Variants in DMD observed in about 807,000 individuals in gnomAD.
The protein encoded by DMD is mutant dystrophin.
Under a neutral mutation model 330.1 loss-of-function variants are expected in DMD, and 63 were observed. The observed-to-expected ratio is 0.19, with a 90% CI of 0.16 to 0.24. The LOEUF is 0.24. DMD is among the 10% of genes least tolerant of loss of function. DMD has a pLI of 1.00. For missense variants in DMD, 3,344 were observed against 2,684.1 expected (o/e 1.25, Z -5.43); for synonymous variants, 1,223 against 959.8 (o/e 1.27, Z -5.07).
intron 1 of DMD, among the ~76,000 whole-genome samples, chrX:33,023,938 G>A (rs576384918): frequency 6.1e-4 from 68 of 111,173 alleles, no homozygotes; most frequent in African/African-American, 2.1e-3. Context: ...TTTCCCAAGT[G>A]GTCATATGCC....
chrX:32,144,450 A>C (rs2096768882), intron 44 of DMD, among the ~76,000 whole-genome samples: 1 of 111,746 alleles, frequency 8.9e-6, no homozygotes, highest in South Asian at 3.7e-4. Flanking sequence ...TTTTGGTAAA[A>C]TTACTTAAAA....
intron 5 of DMD, 69 bp downstream of exon 5, chrX:32,823,226 C>A: frequency 2.2e-6 from 2 of 893,397 alleles, no homozygotes; most frequent in Non-Finnish European, 1.6e-6. Context: ...TTGTTTCACA[C>A]GTCAAGGGTA....
chrX:33,328,939 A>G, intron 1 of DMD, among the ~76,000 whole-genome samples: 1 of 111,914 alleles, frequency 8.9e-6, no homozygotes. Flanking sequence ...TAGGGACCAT[A>G]TAAAAATGTA....
At chrX:31,369,980 T>C (rs2059456380) in intron 60 of DMD, among the ~76,000 whole-genome samples, 1 of 108,621 alleles carries the variant, frequency 9.2e-6, no homozygotes, top group Non-Finnish European at 1.9e-5. Context: ...AGGCCTGTAG[T>C]CCCAGCTACT....
chrX:31,366,287 TAACAC>T lies in DMD; in HGVS notation c.9085-17658_9085-17654del, dbSNP rs1431612508. On this transcript the variant is annotated intron_variant, in intron 60 of 78. Transcript: ENST00000357033. ...GATGTCTCAGGCTACGCACCACTGA[TAACAC>T]AAACTATGCGGGCACTGGAGCAGAA... is the stretch of plus-strand genomic sequence containing the variant. Among the ~76,000 whole-genome samples the T allele has an allele frequency of 2.8e-5, 3 of 108,658 alleles. No individual in the cohort carries two copies. The East Asian group carries it at 8.6e-4, about 31-fold the overall frequency. The allele number at this position is 108,658 out of a possible 115,157, so 94.4% of individuals were successfully genotyped here.
intron 57 of DMD, 92 bp from the exon 58 acceptor site, chrX:31,479,195 C>G (rs1293740223): frequency 7.9e-6 from 8 of 1,017,442 alleles, no homozygotes; most frequent in Non-Finnish European, 1.1e-5. Flanking sequence ...TATGAAACTC[C>G]CAGGTCAATT....
At chrX:32,396,560 T>G (rs1468655067) in intron 30 of DMD, among the ~76,000 whole-genome samples, 2 of 111,322 alleles carry the variant, frequency 1.8e-5, no homozygotes. Flanking sequence ...TTTATTAATA[T>G]ATATTGTGTA....
intron 49 of DMD, among the ~76,000 whole-genome samples, chrX:31,825,665 C>G (rs952310802): frequency 2.7e-5 from 3 of 111,750 alleles, no homozygotes; most frequent in African/African-American, 9.7e-5. Context: ...AGAAAGGGTG[C>G]TTTGAATTTC....
chrX:31,655,763 T>C (rs1465856330), intron 54 of DMD, among the ~76,000 whole-genome samples: 1 of 111,177 alleles, frequency 9.0e-6, no homozygotes, highest in African/African-American at 3.3e-5. Context: ...AGAAGGCCCT[T>C]ACCAGATTCC....
At chrX:32,292,079 T>C (rs1286551326) in intron 42 of DMD, among the ~76,000 whole-genome samples, 1 of 110,165 alleles carries the variant, frequency 9.1e-6, no homozygotes, top group Non-Finnish European at 1.9e-5. Flanking sequence ...TGTATGTCTG[T>C]CTCTCTCACT....
chrX:31,537,175 T>A (rs1439641923), intron 55 of DMD, among the ~76,000 whole-genome samples: 3 of 111,934 alleles, frequency 2.7e-5, no homozygotes, highest in African/African-American at 9.8e-5. Flanking sequence ...TATATTTTGG[T>A]CTTATCTTTC....
intron 17 of DMD, among the ~76,000 whole-genome samples, chrX:32,542,441 G>C (rs190385177): frequency 4.9e-4 from 55 of 111,590 alleles, no homozygotes; most frequent in Non-Finnish European, 9.6e-4. Context: ...CAAAATAAAA[G>C]AAGTCAGAAA....
intron 1 of DMD, among the ~76,000 whole-genome samples, chrX:33,331,508 T>C (rs1344721676): frequency 8.9e-6 from 1 of 111,840 alleles, no homozygotes; most frequent in Non-Finnish European, 1.9e-5. Flanking sequence ...CTGGGAGTGT[T>C]ATAATCAGTT....
intron 52 of DMD, among the ~76,000 whole-genome samples, chrX:31,728,635 T>C (rs1355886563): frequency 8.9e-6 from 1 of 111,790 alleles, no homozygotes; most frequent in East Asian, 2.8e-4. Context: ...TAGCAGAATA[T>C]AAATTATGAA....
chrX:31,311,666 T>A (rs1249339475), intron 62 of DMD, among the ~76,000 whole-genome samples: 6 of 110,586 alleles, frequency 5.4e-5, no homozygotes, highest in Non-Finnish European at 7.6e-5. Context: ...TTAAAACAGT[T>A]TTTTTTTTAA....
intron 55 of DMD, among the ~76,000 whole-genome samples, chrX:31,622,905 C>T (rs867304122): frequency 1.0e-5 from 1 of 100,393 alleles, no homozygotes; most frequent in Middle Eastern, 5.1e-3. Flanking sequence ...CACACACACA[C>T]ATATATGTGT....
At chrX:31,800,564 G>A (rs1000439980) in intron 50 of DMD, among the ~76,000 whole-genome samples, 17 of 112,146 alleles carry the variant, frequency 1.5e-4, no homozygotes, top group South Asian at 7.4e-4. Flanking sequence ...GACATGCCCT[G>A]GAGACATCTT....
intron 13 of DMD, among the ~76,000 whole-genome samples, chrX:32,592,527 G>A (rs189661242): frequency 1.8e-5 from 2 of 111,390 alleles, no homozygotes; most frequent in Non-Finnish European, 3.8e-5. Context: ...GCTACCCACC[G>A]TGGTATCCTG....
intron 67 of DMD, among the ~76,000 whole-genome samples, chrX:31,196,359 A>T (rs1468647331): frequency 9.0e-6 from 1 of 111,009 alleles, no homozygotes; most frequent in Admixed American, 9.6e-5. Flanking sequence ...AAATTGTAGT[A>T]ACTCTTACTA....
Sources: gnomAD v4.1 joint callset for allele counts (sites outside exome capture counted in the v4.1 genomes callset) on GRCh38, gnomAD v4.1.1 for gene constraint, MANE v1.5 for transcripts, NCBI Gene and HGNC (gene_info 2026-07-23, HGNC 2026-07-21) for gene names.